The following GPAT4 variants were observed in gnomAD, a reference collection of about 807,000 sequenced individuals.
GPAT4 encodes the protein glycerol-3-phosphate acyltransferase 4, also known as 1-AGP acyltransferase 6.
GPAT4 carries 17 observed loss-of-function variants against 58.0 expected under a neutral mutation model. That is an observed-to-expected ratio of 0.29 (90% confidence interval 0.20 to 0.44). The LOEUF is 0.44. GPAT4 is among the 20% of genes least tolerant of loss of function. GPAT4 has a pLI of 1.00. For missense variants in GPAT4, 377 were observed against 574.5 expected (o/e 0.66, Z 3.51); for synonymous variants, 204 against 210.1 (o/e 0.97, Z 0.25).
intron 7 of GPAT4, 53 bp downstream of exon 7, chr8:41,612,326 G>A (rs1585672709): frequency 2.6e-5 from 42 of 1,587,192 alleles, no homozygotes; most frequent in Non-Finnish European, 3.4e-5. Flanking sequence ...CTTTAGAGTG[G>A]TCAGGGCTAG....
chr8:41,610,259 C>G (rs1159100139), intron 4 of GPAT4: 12 of 1,267,536 alleles, frequency 9.5e-6, no homozygotes, highest in African/African-American at 1.5e-5. Flanking sequence ...ATGGCTCATT[C>G]TTTCCTGAAG....
chr8:41,595,917 G>T lies in GPAT4; in HGVS notation c.-848-2375G>T, dbSNP rs569337929. On this transcript the variant is annotated intron_variant, in intron 1 of 12. Transcript: ENST00000396987. ...TGCTGTTCTCTCAACCACTGTGGCG[G>T]GGCAGGGGTGGGGGGGTGTGATCTA... Among the ~76,000 whole-genome samples the T allele has an allele frequency of 3.3e-5, 5 of 152,150 alleles. No individual in the cohort carries two copies. The East Asian group carries it at 9.7e-4, about 30-fold the overall frequency.
At chr8:41,610,092 T>C (rs1339945105) in intron 4 of GPAT4, 137 bp downstream of exon 4, 2 of 1,471,606 alleles carry the variant, frequency 1.4e-6, no homozygotes, top group African/African-American at 2.8e-5. Context: ...ACGTGACTCT[T>C]TGGAGGGATA....
chr8:41,586,721 A>G (rs1044463565), intron 1 of GPAT4, among the ~76,000 whole-genome samples: 2 of 152,082 alleles, frequency 1.3e-5, no homozygotes, highest in African/African-American at 4.8e-5. Context: ...CACCTCTCTT[A>G]TGAATGTGAT....
chr8:41,616,512 C>A (rs1031552585), intron 10 of GPAT4, among the ~76,000 whole-genome samples: 3 of 152,154 alleles, frequency 2.0e-5, no homozygotes, highest in Admixed American at 2.0e-4. Context: ...TCAGACTGAT[C>A]TAGAACTCCT....
intron 4 of GPAT4, chr8:41,610,398 C>T: frequency 8.1e-7 from 1 of 1,239,846 alleles, no homozygotes; most frequent in Non-Finnish European, 1.0e-6. Context: ...GGAAGCTGTG[C>T]TTCCACCGGG....
chr8:41,610,472 G>A (rs1803408164), intron 4 of GPAT4: 11 of 1,330,124 alleles, frequency 8.3e-6, no homozygotes, highest in African/African-American at 1.5e-5. Context: ...GGCCAGCTTA[G>A]GGTTTTCCAG....
At position 41,618,944 on chromosome 8, in the gene GPAT4, T is replaced by C; in HGVS notation, c.1229T>C (p.Ile410Thr). The C allele has an allele frequency of 6.2e-7, 1 of 1,614,206 alleles. No individual in the cohort carries two copies. Among genetic ancestry groups the C allele is most frequent in the Non-Finnish European group, 8.5e-7 (1 of 1,180,022 alleles). Residue 410 changes from isoleucine (I) to threonine (T), a missense_variant, in exon 12 of 13, where the codon ATT becomes ACT. Coordinates refer to ENST00000396987, the MANE Select transcript of GPAT4 (RefSeq NM_178819.4). ...VQFANRVKSA[I>T]ARQGGLVDLL... Reference sequence around the variant, plus strand: ...TTTGCGAATAGGGTGAAATCTGCCATTGCCAGGCAGGGAGGACTTGTGGAC... The same window carrying C: ...TTTGCGAATAGGGTGAAATCTGCCACTGCCAGGCAGGGAGGACTTGTGGAC...
chr8:41,600,314 T>G (rs1223921244), intron 2 of GPAT4, among the ~76,000 whole-genome samples: 1 of 152,176 alleles, frequency 6.6e-6, no homozygotes, highest in African/African-American at 2.4e-5. Context: ...AGTGCTGGGA[T>G]TACAGGCCTG....
At chr8:41,605,379 A>G (rs2354575) in intron 2 of GPAT4, among the ~76,000 whole-genome samples, 21,317 of 152,226 alleles carry the variant, frequency 0.14, 1,609 homozygotes, top group Middle Eastern at 0.2. Flanking sequence ...ACTGGATCCT[A>G]AAAGGGAGAA....
At chr8:41,594,178 T>A in intron 1 of GPAT4, among the ~76,000 whole-genome samples, 1 of 152,240 alleles carries the variant, frequency 6.6e-6, no homozygotes, top group East Asian at 1.9e-4. Context: ...ATTGTGTTTT[T>A]ATTTTAATGT....
chr8:41,614,242 A>AT, intron 8 of GPAT4, 144 bp from the exon 9 acceptor site: 1 of 646,400 alleles, frequency 1.5e-6, no homozygotes, highest in Non-Finnish European at 2.6e-6. Flanking sequence ...TGAGCATTAG[A>AT]TTATGGGTTT....
chr8:41,618,819 G>T lies in GPAT4; in HGVS notation c.1182+7G>T. 6.2e-7 allele frequency: 1 copy of T among 1,614,256 alleles called. No individual in the cohort carries two copies. The highest frequency in any genetic ancestry group is 8.5e-7 in the Non-Finnish European group (1 of 1,180,038). On this transcript the variant is annotated splice_region_variant and intron_variant, in intron 11 of 12. Transcript: ENST00000396987. ...GCCTCCCATGACTAGAGAGGTGAGTGCCTGCCCCAGGCAGGTCTGCGCCTG... is the reference window on the plus strand; with the variant it reads ...GCCTCCCATGACTAGAGAGGTGAGTTCCTGCCCCAGGCAGGTCTGCGCCTG...
At chr8:41,606,430 T>C (rs557397373) in intron 2 of GPAT4, among the ~76,000 whole-genome samples, 59 of 152,224 alleles carry the variant, frequency 3.9e-4, no homozygotes, top group African/African-American at 1.4e-3. Flanking sequence ...GAGTGTGCTG[T>C]GTGAGTATAG....
Position 41,598,363 on chromosome 8 carries a change from G to A in GPAT4, c.-777G>A, listed in dbSNP as rs1399646667. On this transcript the variant is annotated 5_prime_UTR_variant, in exon 2 of 13. Transcript: ENST00000396987. The stretch of plus-strand genomic sequence containing the variant: ...CTAAGAAAGGGTGCCTTCGGGAGAA[G>A]AGTGTCCAGAGGATACCAATGCCAG... The A allele has an allele frequency of 1.3e-5, 2 of 152,254 alleles. No homozygotes were observed. The highest frequency in any genetic ancestry group is 1.3e-4 in the Admixed American group (2 of 15,280). 9.4% of individuals were successfully genotyped at this position (152,254 alleles called of 1,614,324 possible).
rs1326690993 is a variant in GPAT4 at position 41,610,733 on chromosome 8, C to T, written c.537-3C>T. On this transcript the variant is annotated splice_region_variant and splice_polypyrimidine_tract_variant and intron_variant, in intron 4 of 12. Coordinates refer to ENST00000396987, the MANE Select transcript of GPAT4 (RefSeq NM_178819.4). Reference sequence around the variant, plus strand: ...TGTGCTCTAACTTTTCTTCTTCTTACAGGATAGCACTGGCTTTCACAGGGA... The same window carrying T: ...TGTGCTCTAACTTTTCTTCTTCTTATAGGATAGCACTGGCTTTCACAGGGA... 4 of 1,604,932 alleles carry T rather than the reference C, an allele frequency of 2.5e-6. No homozygotes were observed. The highest frequency in any genetic ancestry group is 3.4e-6 in the Non-Finnish European group (4 of 1,175,592).
intron 3 of GPAT4, 39 bp from the exon 4 acceptor site, chr8:41,609,616 C>G: frequency 1.2e-6 from 2 of 1,606,572 alleles, no homozygotes; most frequent in Non-Finnish European, 1.7e-6. Flanking sequence ...ACGTGCTCTC[C>G]CCCAGCGTGC....
intron 2 of GPAT4, among the ~76,000 whole-genome samples, chr8:41,603,473 C>T (rs376891431): frequency 4.9e-5 from 7 of 141,664 alleles, no homozygotes; most frequent in African/African-American, 1.6e-4. Flanking sequence ...TTGCAGTGTA[C>T]GGAGATCCCG....
At chr8:41,579,047 G>T (rs926112263) in intron 1 of GPAT4, among the ~76,000 whole-genome samples, 1 of 152,158 alleles carries the variant, frequency 6.6e-6, no homozygotes, top group Non-Finnish European at 1.5e-5. Context: ...GCTGAACTTT[G>T]AGGAGCTCTC....
Sources: allele counts gnomAD v4.1 joint callset (sites outside exome capture counted in the v4.1 genomes callset), GRCh38; gene constraint gnomAD v4.1.1; transcripts MANE v1.5; gene names NCBI Gene and HGNC (gene_info 2026-07-23, HGNC 2026-07-21).